Variants in ATRNL1 observed in about 807,000 individuals in gnomAD.
ATRNL1 encodes attractin like 1.
Under a neutral mutation model 182.7 loss-of-function variants are expected in ATRNL1, and 95 were observed. The ratio of observed to expected loss-of-function variants is 0.52; its 90% CI spans 0.44 to 0.62. ATRNL1 has a LOEUF of 0.62. ATRNL1 is among the 20% of genes least tolerant of loss of function. The pLI, the probability that ATRNL1 is intolerant of heterozygous loss-of-function variation, is 0.00. For synonymous variants in ATRNL1, 576 were observed against 568.3 expected (o/e 1.01, Z -0.19); for missense variants, 1,471 against 1,679.5 (o/e 0.88, Z 2.17).
chr10:115,153,860 C>T (rs1846368560), intron 5 of ATRNL1, among the ~76,000 whole-genome samples: 2 of 152,142 alleles, frequency 1.3e-5, no homozygotes, highest in African/African-American at 4.8e-5. Flanking sequence ...GCATTTAGTG[C>T]TATAAATTTC....
chr10:115,486,411 G>A (rs148807379), intron 24 of ATRNL1, among the ~76,000 whole-genome samples: 2,637 of 152,124 alleles, frequency 0.017, 43 homozygotes, highest in Admixed American at 0.029. Flanking sequence ...AGCATCTGTC[G>A]TTTCCTGACT....
At chr10:115,405,886 C>T (rs578090618) in intron 20 of ATRNL1, among the ~76,000 whole-genome samples, 2 of 133,864 alleles carry the variant, frequency 1.5e-5, no homozygotes, top group East Asian at 4.5e-4. Context: ...TGTCCCCCTT[C>T]CTGTGTCCAT....
At chr10:115,354,993 C>T (rs1554942451) in intron 19 of ATRNL1, among the ~76,000 whole-genome samples, 1 of 151,958 alleles carries the variant, frequency 6.6e-6, no homozygotes, top group Non-Finnish European at 1.5e-5. Flanking sequence ...TTGACTTTTT[C>T]AGCTCGAGTG....
chr10:115,416,153 G>T (rs1207741973), intron 20 of ATRNL1, among the ~76,000 whole-genome samples: 1 of 151,996 alleles, frequency 6.6e-6, no homozygotes. Context: ...CTATTCTGAT[G>T]ATGTTGAGGT....
intron 25 of ATRNL1, among the ~76,000 whole-genome samples, chr10:115,524,953 T>C (rs375785072): frequency 2.6e-5 from 4 of 152,322 alleles, no homozygotes; most frequent in East Asian, 1.9e-4. Context: ...GTACTGTATA[T>C]ATATCCTCAT....
At chr10:115,762,992 C>T (rs1555074019) in intron 27 of ATRNL1, among the ~76,000 whole-genome samples, 1 of 151,952 alleles carries the variant, frequency 6.6e-6, no homozygotes, top group African/African-American at 2.4e-5. Flanking sequence ...CTTTTTATGG[C>T]ATTTGTATAA....
At chr10:115,240,254 CTT>C (rs782480774) in intron 9 of ATRNL1, among the ~76,000 whole-genome samples, 26 of 137,914 alleles carry the variant, frequency 1.9e-4, no homozygotes, top group East Asian at 2.1e-4. Context: ...TACTTTTTTC[CTT>C]TTTTTTTTTT....
At chr10:115,432,685 A>G (rs1276342204) in intron 21 of ATRNL1, among the ~76,000 whole-genome samples, 1 of 152,232 alleles carries the variant, frequency 6.6e-6, no homozygotes, top group African/African-American at 2.4e-5. Context: ...ATTATAAAGC[A>G]TGCCTCACAA....
chr10:115,429,726 T>C (rs1480714676), intron 21 of ATRNL1, among the ~76,000 whole-genome samples: 1 of 152,170 alleles, frequency 6.6e-6, no homozygotes, highest in Admixed American at 6.5e-5. Context: ...GATCTCTTTT[T>C]TGAATGTTAT....
At chr10:115,338,166 A>C (rs1266816668) in intron 19 of ATRNL1, among the ~76,000 whole-genome samples, 1 of 152,062 alleles carries the variant, frequency 6.6e-6, no homozygotes, top group African/African-American at 2.4e-5. Context: ...GTTGCTTCCA[A>C]ATTTTATCTA....
At chr10:115,702,053 G>A (rs774620136) in intron 26 of ATRNL1, among the ~76,000 whole-genome samples, 5 of 151,978 alleles carry the variant, frequency 3.3e-5, no homozygotes, top group Middle Eastern at 3.4e-3. Context: ...CCAGCAGCAC[G>A]TCAAAAAGTT....
chr10:115,309,763 G>A (rs1159814508), intron 17 of ATRNL1, among the ~76,000 whole-genome samples: 1 of 151,824 alleles, frequency 6.6e-6, no homozygotes, highest in Non-Finnish European at 1.5e-5. Context: ...TAGTCTTTAG[G>A]GTTTTCTAGG....
intron 25 of ATRNL1, among the ~76,000 whole-genome samples, chr10:115,540,428 C>A: frequency 6.6e-6 from 1 of 151,938 alleles, no homozygotes; most frequent in South Asian, 2.1e-4. Flanking sequence ...TACCTCAATC[C>A]CTTTGTAAAG....
intron 28 of ATRNL1, among the ~76,000 whole-genome samples, chr10:115,853,939 C>T (rs1006051616): frequency 6.6e-6 from 1 of 152,122 alleles, no homozygotes; most frequent in Admixed American, 6.5e-5. Flanking sequence ...ACTATTTTAC[C>T]TTGTATCCAA....
chr10:115,466,616 TC>T, intron 22 of ATRNL1, among the ~76,000 whole-genome samples: 1 of 151,396 alleles, frequency 6.6e-6, no homozygotes, highest in South Asian at 2.1e-4. Context: ...TTCTCAGTGT[TC>T]CTCTCTATAA....
At chr10:115,113,546 C>T (rs1410078469) in intron 1 of ATRNL1, among the ~76,000 whole-genome samples, 4 of 152,124 alleles carry the variant, frequency 2.6e-5, no homozygotes, top group Non-Finnish European at 5.9e-5. Flanking sequence ...ATGCTGTTCT[C>T]ATGATAGTGA....
At chr10:115,607,735 C>T (rs1264295870) in intron 26 of ATRNL1, among the ~76,000 whole-genome samples, 1 of 151,784 alleles carries the variant, frequency 6.6e-6, no homozygotes, top group Non-Finnish European at 1.5e-5. Context: ...ATAAATATTG[C>T]AATGTGTTAT....
At chr10:115,741,554 G>T (rs1443648056) in intron 27 of ATRNL1, among the ~76,000 whole-genome samples, 2 of 152,124 alleles carry the variant, frequency 1.3e-5, no homozygotes, top group Non-Finnish European at 2.9e-5. Flanking sequence ...GAAGGTTTTT[G>T]AGAAGAGTTT....
intron 21 of ATRNL1, among the ~76,000 whole-genome samples, chr10:115,457,096 C>T (rs1277355387): frequency 6.6e-6 from 1 of 152,008 alleles, no homozygotes; most frequent in African/African-American, 2.4e-5. Context: ...GAGTTCTTTT[C>T]TCGTGACCAT....
Sources: allele counts gnomAD v4.1 joint callset (sites outside exome capture counted in the v4.1 genomes callset), GRCh38; gene constraint gnomAD v4.1.1; transcripts MANE v1.5; gene names NCBI Gene and HGNC (gene_info 2026-07-23, HGNC 2026-07-21).